The following TAFA2 variants were observed in gnomAD, a reference collection of about 807,000 sequenced individuals.
The protein encoded by TAFA2 is chemokine-like protein TAFA-2.
In TAFA2, 7 loss-of-function variants were observed where a neutral mutation model predicts 18.8. The observed-to-expected ratio is 0.37, with a 90% CI of 0.21 to 0.70. The LOEUF is 0.70. TAFA2 is among the 30% of genes least tolerant of loss of function. The pLI is 0.53. For missense variants in TAFA2, 122 were observed against 158.1 expected (o/e 0.77, Z 1.23); for synonymous variants, 60 against 54.2 (o/e 1.11, Z -0.47).
intron 4 of TAFA2, among the ~76,000 whole-genome samples, chr12:61,747,188 T>A (rs1868757079): frequency 6.6e-6 from 1 of 151,866 alleles, no homozygotes; most frequent in Admixed American, 6.6e-5. Flanking sequence ...CCAGTTAGAA[T>A]GGCGATCATT....
chr12:62,159,589 T>C (rs1204775311), intron 1 of TAFA2, among the ~76,000 whole-genome samples: 1 of 152,156 alleles, frequency 6.6e-6, no homozygotes, highest in African/African-American at 2.4e-5. Context: ...CTTAGTCCAA[T>C]CAAGATAAAA....
intron 1 of TAFA2, among the ~76,000 whole-genome samples, chr12:62,227,222 A>T (rs1480632047): frequency 6.6e-6 from 1 of 151,304 alleles, no homozygotes; most frequent in Non-Finnish European, 1.5e-5. Context: ...CCTCTCTTAC[A>T]CTCTTACATT....
chr12:61,864,770 C>T (rs571068175), intron 2 of TAFA2, among the ~76,000 whole-genome samples: 254 of 73,984 alleles, frequency 3.4e-3, no homozygotes, highest in Non-Finnish European at 4.4e-3. Flanking sequence ...GAGACTCCGT[C>T]TCAAAAAAAA....
chr12:61,873,743 T>A (rs1874721334), intron 1 of TAFA2, among the ~76,000 whole-genome samples: 2 of 152,184 alleles, frequency 1.3e-5, no homozygotes, highest in Admixed American at 6.5e-5. Context: ...CACTGTTGCT[T>A]TTATCCAAAA....
At chr12:61,986,204 G>A (rs988048553) in intron 1 of TAFA2, among the ~76,000 whole-genome samples, 5 of 108,362 alleles carry the variant, frequency 4.6e-5, no homozygotes, top group African/African-American at 1.8e-4. Flanking sequence ...TCACTCACTC[G>A]CCCAGGCTGG....
chr12:61,893,389 T>C (rs1875713922), intron 1 of TAFA2, among the ~76,000 whole-genome samples: 1 of 152,120 alleles, frequency 6.6e-6, no homozygotes, highest in South Asian at 2.1e-4. Flanking sequence ...TCCAATAAGC[T>C]TTGCTATGAA....
intron 1 of TAFA2, among the ~76,000 whole-genome samples, chr12:61,910,998 C>T (rs976871117): frequency 4.6e-5 from 7 of 152,264 alleles, no homozygotes; most frequent in Middle Eastern, 6.8e-3. Flanking sequence ...TTTGCCTGCT[C>T]GTTCCCTGCA....
chr12:61,859,821 C>G (rs951517311), intron 2 of TAFA2, among the ~76,000 whole-genome samples: 2 of 152,174 alleles, frequency 1.3e-5, no homozygotes, highest in Non-Finnish European at 2.9e-5. Context: ...TTGTATTCAG[C>G]GACTCTGAGG....
intron 4 of TAFA2, among the ~76,000 whole-genome samples, chr12:61,753,208 A>G (rs1456887980): frequency 6.6e-6 from 1 of 152,076 alleles, no homozygotes; most frequent in African/African-American, 2.4e-5. Context: ...CATAAAACTA[A>G]AAGAATCTCA....
chr12:62,088,654 A>G (rs1244346166), intron 1 of TAFA2, among the ~76,000 whole-genome samples: 1 of 151,944 alleles, frequency 6.6e-6, no homozygotes. Context: ...ATTAGTTAGA[A>G]AAAAGCATCA....
intron 1 of TAFA2, among the ~76,000 whole-genome samples, chr12:62,198,893 A>G (rs2062659942): frequency 6.6e-6 from 1 of 152,228 alleles, no homozygotes; most frequent in African/African-American, 2.4e-5. Flanking sequence ...TGCCATGGAG[A>G]TAAGTCAAGA....
At chr12:62,077,522 A>G (rs1010836615) in intron 1 of TAFA2, among the ~76,000 whole-genome samples, 1 of 152,220 alleles carries the variant, frequency 6.6e-6, no homozygotes, top group Non-Finnish European at 1.5e-5. Flanking sequence ...AGTGTGGCCA[A>G]TTTCGGAGAA....
At chr12:61,896,441 A>G (rs1875847990) in intron 1 of TAFA2, among the ~76,000 whole-genome samples, 1 of 152,198 alleles carries the variant, frequency 6.6e-6, no homozygotes, top group African/African-American at 2.4e-5. Context: ...GATTGCATAC[A>G]ATTATCTCTT....
intron 1 of TAFA2, among the ~76,000 whole-genome samples, chr12:61,946,258 A>G (rs1268855940): frequency 6.6e-6 from 1 of 151,182 alleles, no homozygotes; most frequent in Non-Finnish European, 1.5e-5. Flanking sequence ...AGCCATATGT[A>G]GAAAGCTGAA....
Position 62,214,213 on chromosome 12 carries a change from C to A in TAFA2, c.-130+44550G>T, listed in dbSNP as rs574264797. 3.9e-5 allele frequency among the ~76,000 whole-genome samples: 6 copies of A among 152,272 alleles called. No homozygotes were observed. The East Asian group carries it at 1.2e-3, about 29-fold the overall frequency. On this transcript the variant is annotated intron_variant, in intron 1 of 5. Coordinates refer to the TAFA2 transcript ENST00000551619. ...AACCCCAATATGGTTTGGCTGTATG[C>A]CCACCCAAATCTCATCTTGAATTCC...
chr12:61,867,282 A>G (rs1874395500), intron 2 of TAFA2, 38 bp downstream of exon 2: 1 of 1,281,506 alleles, frequency 7.8e-7, no homozygotes, highest in Non-Finnish European at 1.1e-6. Context: ...GGTAGTCATC[A>G]TCCACATTTA....
At chr12:62,175,366 AC>A (rs1460932329) in intron 1 of TAFA2, among the ~76,000 whole-genome samples, 1 of 152,120 alleles carries the variant, frequency 6.6e-6, no homozygotes, top group Non-Finnish European at 1.5e-5. Flanking sequence ...TATAAAGTGA[AC>A]CTTTTGTATC....
intron 1 of TAFA2, among the ~76,000 whole-genome samples, chr12:62,206,228 G>A (rs555121248): frequency 6.6e-6 from 1 of 152,244 alleles, no homozygotes; most frequent in East Asian, 1.9e-4. Context: ...TATTTAACAT[G>A]GAAAGCAGAG....
At chr12:61,865,169 T>C (rs907119085) in intron 2 of TAFA2, among the ~76,000 whole-genome samples, 1 of 152,122 alleles carries the variant, frequency 6.6e-6, no homozygotes, top group Non-Finnish European at 1.5e-5. Context: ...GGATCCTAGG[T>C]TCTTACCTTA....
Sources: gnomAD v4.1 joint callset for allele counts (sites outside exome capture counted in the v4.1 genomes callset) on GRCh38, gnomAD v4.1.1 for gene constraint, MANE v1.5 for transcripts, NCBI Gene and HGNC (gene_info 2026-07-23, HGNC 2026-07-21) for gene names.